Variants in CACNG7 observed in about 807,000 individuals in gnomAD.
CACNG7 encodes the protein calcium voltage-gated channel auxiliary subunit gamma 7.
Under a neutral mutation model 26.3 loss-of-function variants are expected in CACNG7, and 9 were observed. The observed-to-expected ratio is 0.34, with a 90% confidence interval of 0.21 to 0.60. The LOEUF (loss-of-function observed/expected upper bound fraction) is 0.60, where lower values mean the gene tolerates loss of function less well. Among genes scored for constraint, CACNG7 ranks in the 20% least tolerant of loss-of-function variants. The pLI is 0.81. For missense variants in CACNG7, 297 were observed against 380.4 expected (o/e 0.78, Z 1.82); for synonymous variants, 170 against 157.0 (o/e 1.08, Z -0.62).
chr19:53,920,706 T>TCTGGTCATTGGTGGAGCTGTCCCAGG (rs1231538750), intron 4 of CACNG7, among the ~76,000 whole-genome samples: 2 of 108,772 alleles, frequency 1.8e-5, no homozygotes, highest in Admixed American at 8.5e-5. Context: ...TTGCTCCAGG[T>TCTGGTCATTGGTGGAGCTGTCCCAGG]CTGGTCATTG....
intron 4 of CACNG7, among the ~76,000 whole-genome samples, chr19:53,934,736 G>A (rs1030909243): frequency 2.0e-5 from 3 of 151,920 alleles, no homozygotes; most frequent in African/African-American, 7.3e-5. Flanking sequence ...TCATGCCATT[G>A]CACTCCAGCC....
Position 53,927,022 on chromosome 19 carries a change from G to A in CACNG7, c.424+11517G>A, listed in dbSNP as rs78411696. ...GTCACCCAGGCTGGAGTACAGTGGC[G>A]TGATCTCCTGCCTTAGCCTCCCATG... On this transcript the variant is annotated intron_variant, in intron 4 of 5. Coordinates refer to ENST00000391767, the MANE Select transcript of CACNG7 (RefSeq NM_031896.5). Among the ~76,000 whole-genome samples, 107 of 151,938 alleles carry A rather than the reference G, an allele frequency of 7.0e-4. 1 individual carries two copies. In the East Asian group the frequency reaches 0.016, roughly 23 times the overall value.
chr19:53,942,518 A>C lies in CACNG7; in HGVS notation c.*225A>C, dbSNP rs1600006734. ...CCTCTCCTTTTCATTGGTCCCTCTC[A>C]CTCCCAAATGACTCCTCCCCTTCGT... On this transcript the variant is annotated 3_prime_UTR_variant, in exon 6 of 6. Coordinates refer to ENST00000391767, the MANE Select transcript of CACNG7 (RefSeq NM_031896.5). The surrounding 1 kb of genome is among the most constrained non-coding windows in gnomAD (Gnocchi z 5.9). The C allele has an allele frequency of 1.7e-5, 23 of 1,374,214 alleles. No individual in the cohort carries two copies. The highest frequency in any genetic ancestry group is 7.2e-5 in the South Asian group (4 of 55,220). The allele number at this position is 1,374,214 out of a possible 1,614,324, so 85.1% of individuals were successfully genotyped here.
Position 53,922,916 on chromosome 19 carries a change from C to G in CACNG7, c.424+7411C>G, listed in dbSNP as rs2068975269. Reference sequence around the variant, plus strand: ...TTGGTGGAGTTGCCCCAGGCCTGGTCATTGGTGGAGTTGTCCCAGGTCTGG... The same window carrying G: ...TTGGTGGAGTTGCCCCAGGCCTGGTGATTGGTGGAGTTGTCCCAGGTCTGG... On this transcript the variant is annotated intron_variant, in intron 4 of 5. Transcript: ENST00000391767. Among the ~76,000 whole-genome samples the G allele has an allele frequency of 3.6e-5, 3 of 82,846 alleles. 1 individual carries two copies. Among genetic ancestry groups the G allele is most frequent in the Admixed American group, 3.0e-4 (3 of 9,904 alleles). The allele number at this position is 82,846 out of a possible 152,430, so 54.4% of individuals were successfully genotyped here. A position where few individuals can be genotyped will look rare whatever the true frequency, so the allele number is the denominator to read the frequency against.
At chr19:53,916,543 C>A (rs1451374462) in intron 4 of CACNG7, among the ~76,000 whole-genome samples, 1 of 134,516 alleles carries the variant, frequency 7.4e-6, no homozygotes, top group African/African-American at 2.9e-5. Context: ...GGCTGGAGTA[C>A]AATGGCACGA....
intron 4 of CACNG7, among the ~76,000 whole-genome samples, chr19:53,920,349 T>TG (rs2068933270): frequency 3.6e-5 from 4 of 112,508 alleles, no homozygotes; most frequent in African/African-American, 8.9e-5. Flanking sequence ...TTGGTGGAGT[T>TG]TCCCCAGGTC....
intron 4 of CACNG7, among the ~76,000 whole-genome samples, chr19:53,925,919 G>T (rs1033040812): frequency 6.6e-6 from 1 of 152,206 alleles, no homozygotes; most frequent in Non-Finnish European, 1.5e-5. Context: ...GTTGGTAGAA[G>T]TGGGAGGAAG....
chr19:53,922,175 TCCCAGGCTGGTCATTGGTGGAGTTG>T (rs2068963928), intron 4 of CACNG7, among the ~76,000 whole-genome samples: 7 of 94,572 alleles, frequency 7.4e-5, no homozygotes, highest in African/African-American at 2.8e-4. Context: ...GGTGGAGTTG[TCCCAGGCTGGTCATTGGTGGAGTTG>T]CCCCAGGTCT....
intron 3 of CACNG7, among the ~76,000 whole-genome samples, chr19:53,914,829 T>G (rs1030201433): frequency 1.3e-5 from 2 of 151,656 alleles, no homozygotes; most frequent in African/African-American, 4.8e-5. Flanking sequence ...TGGTGAAACC[T>G]TGTCTCTACT....
chr19:53,941,637 C>CTCTAGG (rs1227493207), intron 5 of CACNG7, 22 bp downstream of exon 5: 3 of 1,604,454 alleles, frequency 1.9e-6, no homozygotes, highest in Non-Finnish European at 1.7e-6. Context: ...GGGACCTAGA[C>CTCTAGG]TCTAGAGTTC....
At chr19:53,913,785 T>TAAAAAAA (rs58238779) in intron 2 of CACNG7, among the ~76,000 whole-genome samples, 1 of 94,032 alleles carries the variant, frequency 1.1e-5, no homozygotes, top group African/African-American at 4.1e-5. Flanking sequence ...CCCAGTCTCT[T>TAAAAAAA]AAAAAAAAAA....
chr19:53,921,723 C>T (rs1221273416), intron 4 of CACNG7, among the ~76,000 whole-genome samples: 4 of 94,618 alleles, frequency 4.2e-5, no homozygotes. Flanking sequence ...CTGTCCCAGG[C>T]TGGTCATTGG....
intron 2 of CACNG7, among the ~76,000 whole-genome samples, chr19:53,914,222 C>T (rs1221266289): frequency 6.8e-6 from 1 of 147,848 alleles, no homozygotes; most frequent in African/African-American, 2.6e-5. Flanking sequence ...TGTGGTGAGC[C>T]GAGATCGTGC....
chr19:53,916,552 G>A (rs139631309), intron 4 of CACNG7, among the ~76,000 whole-genome samples: 3 of 139,420 alleles, frequency 2.2e-5, no homozygotes, highest in East Asian at 2.1e-4. Context: ...ACAATGGCAC[G>A]ATCTCAGCTC....
intron 4 of CACNG7, among the ~76,000 whole-genome samples, chr19:53,919,595 T>C (rs1599971811): frequency 7.7e-6 from 1 of 129,400 alleles, no homozygotes; most frequent in Non-Finnish European, 1.6e-5. Flanking sequence ...CCCAGGCTGG[T>C]CATTGGTGGA....
At chr19:53,941,395 G>C (rs1233604948) in intron 4 of CACNG7, 75 bp from the exon 5 acceptor site, 2 of 1,433,524 alleles carry the variant, frequency 1.4e-6, no homozygotes, top group Non-Finnish European at 1.8e-6. Context: ...AGGAGGGGAA[G>C]GCAGTGAGGT....
chr19:53,921,427 C>A (rs1363015871), intron 4 of CACNG7, among the ~76,000 whole-genome samples: 2 of 137,086 alleles, frequency 1.5e-5, no homozygotes, highest in African/African-American at 6.3e-5. Flanking sequence ...TTGCCCCAGG[C>A]TGGTCATTGG....
intron 4 of CACNG7, among the ~76,000 whole-genome samples, chr19:53,936,460 A>C (rs2069105938): frequency 6.6e-6 from 1 of 152,182 alleles, no homozygotes; most frequent in African/African-American, 2.4e-5. Flanking sequence ...TAACATTACT[A>C]CTAGGATTGC....
chr19:53,932,046 C>A (rs1164825175), intron 4 of CACNG7, among the ~76,000 whole-genome samples: 1 of 151,358 alleles, frequency 6.6e-6, no homozygotes, highest in African/African-American at 2.4e-5. Flanking sequence ...CAGGCGTGAG[C>A]CACTGTGCCC....
Sources: gnomAD v4.1 joint callset for allele counts (sites outside exome capture counted in the v4.1 genomes callset) on GRCh38, gnomAD v4.1.1 for gene constraint, Gnocchi (gnomAD v3.1) non-coding constraint, MANE v1.5 for transcripts, NCBI Gene and HGNC (gene_info 2026-07-23, HGNC 2026-07-21) for gene names.